Variants in GRM1 observed in about 807,000 individuals in gnomAD.
GRM1 encodes glutamate metabotropic receptor 1.
A neutral mutation model predicts 90.9 loss-of-function variants in GRM1; 33 were observed. The ratio of observed to expected loss-of-function variants is 0.36; its 90% CI spans 0.28 to 0.49. GRM1 has a LOEUF of 0.49. Ranked by LOEUF, GRM1 falls within the 20% of genes least tolerant of loss-of-function variation. The pLI is 0.99. For missense variants in GRM1, 1,190 were observed against 1,534.3 expected (o/e 0.78, Z 3.75); for synonymous variants, 700 against 613.2 (o/e 1.14, Z -2.09).
intron 2 of GRM1, among the ~76,000 whole-genome samples, chr6:146,292,415 T>C (rs78302581): frequency 1.3e-5 from 2 of 152,044 alleles, no homozygotes; most frequent in African/African-American, 4.8e-5. Flanking sequence ...GTATCAAGAA[T>C]ATATACATCT....
In GRM1 at chr6:146,282,429, A is replaced by G. The variant is rs1782600863; in HGVS notation, c.951-22182A>G. Among the ~76,000 whole-genome samples, 3 of 152,126 alleles carry G rather than the reference A, an allele frequency of 2.0e-5. No homozygotes were observed. The South Asian group carries it at 6.2e-4, about 32-fold the overall frequency. On this transcript the variant is annotated intron_variant, in intron 2 of 7. Transcript: ENST00000282753. ...TTGGGTCACTGCTTCATATCCGTATAATCTGGAATGCCCCTGGCTCATAGC... is the reference window on the plus strand; with the variant it reads ...TTGGGTCACTGCTTCATATCCGTATGATCTGGAATGCCCCTGGCTCATAGC...
At chr6:146,137,360 T>C (rs2128882357) in intron 1 of GRM1, among the ~76,000 whole-genome samples, 1 of 152,342 alleles carries the variant, frequency 6.6e-6, no homozygotes, top group South Asian at 2.1e-4. Flanking sequence ...CACTGGGGTC[T>C]AGTTTCATTC....
chr6:146,311,833 A>G (rs1316547919), intron 3 of GRM1, among the ~76,000 whole-genome samples: 1 of 152,146 alleles, frequency 6.6e-6, no homozygotes, highest in Non-Finnish European at 1.5e-5. Context: ...TACTTTGTTA[A>G]TGTGCTGTTT....
At chr6:146,135,852 T>G (rs543119056) in intron 1 of GRM1, among the ~76,000 whole-genome samples, 18 of 152,290 alleles carry the variant, frequency 1.2e-4, no homozygotes, top group Admixed American at 2.6e-4. Context: ...GTAATCACCT[T>G]GTTATCAAAT....
chr6:146,062,720 A>G (rs887107906), intron 1 of GRM1, among the ~76,000 whole-genome samples: 1 of 151,554 alleles, frequency 6.6e-6, no homozygotes, highest in African/African-American at 2.4e-5. Context: ...TGTAATGCCT[A>G]TTTTGCTAGT....
At chr6:146,370,674 A>G (rs1775864471) in intron 5 of GRM1, among the ~76,000 whole-genome samples, 1 of 151,956 alleles carries the variant, frequency 6.6e-6, no homozygotes, top group Non-Finnish European at 1.5e-5. Context: ...CTGAGATACA[A>G]TTTTGGCTCT....
chr6:146,186,228 T>G (rs2114564380), intron 2 of GRM1, among the ~76,000 whole-genome samples: 1 of 151,866 alleles, frequency 6.6e-6, no homozygotes, highest in Non-Finnish European at 1.5e-5. Context: ...TTCACCCACC[T>G]TGGCCTCCCA....
chr6:146,343,309 T>A lies in GRM1; in HGVS notation c.1187-8941T>A, dbSNP rs1415205090. On this transcript the variant is annotated intron_variant, in intron 3 of 7. Coordinates refer to ENST00000282753, the MANE Select transcript of GRM1 (RefSeq NM_001278064.2). ...TTACCAGACTTACCATAAACTTACT[T>A]TTTATGGCTTTTTAAAAAAATGCTA... 3.9e-5 allele frequency among the ~76,000 whole-genome samples: 6 copies of A among 152,158 alleles called. No homozygotes were observed. In the East Asian group the frequency reaches 1.2e-3, roughly 29 times the overall value.
intron 2 of GRM1, among the ~76,000 whole-genome samples, chr6:146,293,546 A>G (rs969330779): frequency 2.6e-5 from 4 of 152,028 alleles, no homozygotes; most frequent in African/African-American, 9.6e-5. Flanking sequence ...CGTGAGTGAT[A>G]TTGGCATATA....
rs117670969 is a variant in GRM1 at position 146,289,723 on chromosome 6, A to G, written c.951-14888A>G. Among the ~76,000 whole-genome samples the G allele has an allele frequency of 1.0e-2, 1,517 of 152,272 alleles. 10 individuals are homozygous for G. The highest frequency in any genetic ancestry group is 0.015 in the Non-Finnish European group (1,011 of 68,010). ...TAGCTTTTATACATTATTTGTACTT[A>G]TATTTTCTATGTTTAGATGTCCTAG... On this transcript the variant is annotated intron_variant, in intron 2 of 7. Coordinates refer to ENST00000282753, the MANE Select transcript of GRM1 (RefSeq NM_001278064.2).
At chr6:146,081,253 C>T (rs1476909589) in intron 1 of GRM1, among the ~76,000 whole-genome samples, 2 of 152,104 alleles carry the variant, frequency 1.3e-5, no homozygotes, top group African/African-American at 4.8e-5. Flanking sequence ...GTATACAGAA[C>T]TTTGTATTTT....
intron 3 of GRM1, among the ~76,000 whole-genome samples, chr6:146,344,143 C>T (rs142947738): frequency 5.9e-5 from 9 of 152,280 alleles, no homozygotes; most frequent in East Asian, 1.9e-4. Context: ...TCTCCTTTTG[C>T]GTATTTGTAA....
chr6:146,036,227 A>G (rs1179445834), intron 1 of GRM1, among the ~76,000 whole-genome samples: 1 of 152,030 alleles, frequency 6.6e-6, no homozygotes, highest in East Asian at 1.9e-4. Flanking sequence ...TTTTTTAAGA[A>G]CACAGAGGGC....
intron 5 of GRM1, among the ~76,000 whole-genome samples, chr6:146,377,110 T>C (rs1776129569): frequency 5.3e-5 from 8 of 152,032 alleles, no homozygotes; most frequent in Admixed American, 5.2e-4. Flanking sequence ...CTTTTTCCTT[T>C]ATAAATTACC....
At chr6:146,113,253 T>C (rs147666405) in intron 1 of GRM1, among the ~76,000 whole-genome samples, 3 of 152,334 alleles carry the variant, frequency 2.0e-5, no homozygotes, top group Non-Finnish European at 4.4e-5. Context: ...GTAGATTGAA[T>C]AGACACTCAA....
In GRM1 at chr6:146,315,949, T is replaced by C. The variant is rs570869057; in HGVS notation, c.1186+11103T>C. Among the ~76,000 whole-genome samples, 6 of 152,362 alleles carry C rather than the reference T, an allele frequency of 3.9e-5. No homozygotes were observed. In the South Asian group the frequency reaches 8.3e-4, roughly 21 times the overall value. ...AATACTGTATGCCTCCCTGTCCAGA[T>C]TGGGTAATTCTTAGATGTATTAATT... On this transcript the variant is annotated intron_variant, in intron 3 of 7. Transcript: ENST00000282753.
Position 146,399,772 on chromosome 6 carries a change from TC to T in GRM1, c.2660+74del. 2 of 1,013,242 alleles carry T rather than the reference TC, an allele frequency of 2.0e-6. No homozygotes were observed. Among genetic ancestry groups the T allele is most frequent in the Non-Finnish European group, 1.5e-6 (1 of 670,400 alleles). The allele number at this position is 1,013,242 out of a possible 1,614,324, so 62.8% of individuals were successfully genotyped here. A position where few individuals can be genotyped will look rare whatever the true frequency, so the allele number is the denominator to read the frequency against. ...CTCTTTCTCTCTCTCTCTCTCTCTC[TC>T]TTTCTCTGTCTCTCATATCTTCCTC... On this transcript the variant is annotated intron_variant, in intron 7 of 7. Coordinates refer to ENST00000282753, the MANE Select transcript of GRM1 (RefSeq NM_001278064.2). The surrounding 1 kb of genome is among the most constrained non-coding windows in gnomAD (Gnocchi z 5.4).
intron 7 of GRM1, among the ~76,000 whole-genome samples, chr6:146,427,143 C>G (rs1292198342): frequency 6.6e-6 from 1 of 152,004 alleles, no homozygotes; most frequent in South Asian, 2.1e-4. Flanking sequence ...CTGGGTGCCT[C>G]CCACACCCTG....
At chr6:146,398,337 A>G (rs573148497) in intron 6 of GRM1, among the ~76,000 whole-genome samples, 56 of 152,354 alleles carry the variant, frequency 3.7e-4, no homozygotes, top group African/African-American at 1.2e-3. Context: ...ACTTGCCTAC[A>G]GACAATGGCT....
Sources: allele counts gnomAD v4.1 joint callset (sites outside exome capture counted in the v4.1 genomes callset), GRCh38; gene constraint gnomAD v4.1.1; non-coding constraint Gnocchi (gnomAD v3.1); transcripts MANE v1.5; gene names NCBI Gene and HGNC (gene_info 2026-07-23, HGNC 2026-07-21).